Variants in XIRP2 observed in about 807,000 individuals in gnomAD.
XIRP2 encodes the protein xin actin-binding repeat-containing protein 2.
A neutral mutation model predicts 277.0 loss-of-function variants in XIRP2; 236 were observed. The observed-to-expected ratio is 0.85, with a 90% CI of 0.77 to 0.95. The LOEUF (loss-of-function observed/expected upper bound fraction) is 0.95. Among genes scored for constraint, XIRP2 ranks in the 40% least tolerant of loss-of-function variants. The pLI, the probability that XIRP2 is intolerant of heterozygous loss-of-function variation, is 0.00. For missense variants in XIRP2, 4,640 were observed against 4,157.5 expected (o/e 1.12, Z -3.19); for synonymous variants, 1,490 against 1,416.5 (o/e 1.05, Z -1.17).
chr2:167,120,440 C>T (rs1691024599), intron 2 of XIRP2, among the ~76,000 whole-genome samples: 1 of 152,136 alleles, frequency 6.6e-6, no homozygotes, highest in Non-Finnish European at 1.5e-5. Context: ...ACAATCCTAG[C>T]TTTGAATGAT....
At position 167,248,024 on chromosome 2, in the gene XIRP2, A is replaced by G. The variant is rs1264207670; in HGVS notation, c.6632A>G (p.Gln2211Arg). 1 of 1,613,510 alleles carries G rather than the reference A, an allele frequency of 6.2e-7. No individual in the cohort carries two copies. Residue 2211 changes from glutamine to arginine, a missense_variant, in exon 9 of 11, where the codon CAG becomes CGG. Gln to Arg is a conservative substitution (Grantham distance 43, BLOSUM62 1). Transcript: ENST00000409195. The part of the protein sequence containing the change: ...KKNINLQPMW[Q>R]LLPVEQDTSN... ...AATATAAACCTTCAACCAATGTGGC[A>G]GCTTTTGCCTGTAGAGCAAGACACA...
At chr2:167,064,439 C>A (rs1689251767) in intron 2 of XIRP2, among the ~76,000 whole-genome samples, 2 of 151,802 alleles carry the variant, frequency 1.3e-5, no homozygotes, top group African/African-American at 4.8e-5. Context: ...ATGATTTCTG[C>A]CTATCACATA....
chr2:167,027,056 T>G (rs1201494654), intron 2 of XIRP2, among the ~76,000 whole-genome samples: 5 of 152,198 alleles, frequency 3.3e-5, no homozygotes, highest in South Asian at 2.1e-4. Flanking sequence ...GGCCTGCCTT[T>G]ATAGATTGGG....
At chr2:167,048,885 T>A (rs1206272083) in intron 2 of XIRP2, among the ~76,000 whole-genome samples, 1 of 151,978 alleles carries the variant, frequency 6.6e-6, no homozygotes, top group Non-Finnish European at 1.5e-5. Flanking sequence ...TATCTTCTTT[T>A]TCCTAGAATC....
chr2:166,986,295 T>C (rs1687002724), intron 2 of XIRP2, among the ~76,000 whole-genome samples: 1 of 152,144 alleles, frequency 6.6e-6, no homozygotes, highest in Admixed American at 6.5e-5. Flanking sequence ...CAATATAGAG[T>C]GAGACTCATC....
intron 2 of XIRP2, among the ~76,000 whole-genome samples, chr2:166,912,833 T>C (rs4271782): frequency 0.31 from 47,351 of 152,008 alleles, 7,887 homozygotes; most frequent in East Asian, 0.59. Context: ...CAGTCAGGAC[T>C]CTCAGCTGCA....
chr2:167,085,595 A>C (rs1574239573), intron 2 of XIRP2, among the ~76,000 whole-genome samples: 2 of 152,082 alleles, frequency 1.3e-5, no homozygotes, highest in East Asian at 3.9e-4. Context: ...TTTGTAGGTC[A>C]CTCAGGACTT....
chr2:167,026,709 T>C (rs1483771767), intron 2 of XIRP2, among the ~76,000 whole-genome samples: 1 of 152,156 alleles, frequency 6.6e-6, no homozygotes, highest in African/African-American at 2.4e-5. Flanking sequence ...CTCCTTCACA[T>C]ATGAAGCTTA....
intron 2 of XIRP2, among the ~76,000 whole-genome samples, chr2:167,032,427 G>T (rs1301185084): frequency 6.6e-6 from 1 of 151,972 alleles, no homozygotes; most frequent in Non-Finnish European, 1.5e-5. Context: ...AGCAACTGCA[G>T]AAAAAGCCAA....
At chr2:167,207,745 G>A (rs1693900249) in intron 3 of XIRP2, among the ~76,000 whole-genome samples, 1 of 152,002 alleles carries the variant, frequency 6.6e-6, no homozygotes, top group African/African-American at 2.4e-5. Context: ...GCATAAGTTG[G>A]ATCTATCTAT....
intron 3 of XIRP2, among the ~76,000 whole-genome samples, chr2:167,159,893 G>GCAT (rs1692312241): frequency 1.3e-5 from 2 of 152,094 alleles, no homozygotes; most frequent in South Asian, 4.1e-4. Context: ...AAGGCTATGT[G>GCAT]CATTCAGGGA....
chr2:167,148,409 A>G (rs1270098616), intron 3 of XIRP2, among the ~76,000 whole-genome samples: 1 of 149,594 alleles, frequency 6.7e-6, no homozygotes, highest in Admixed American at 6.7e-5. Context: ...AAGAAAAAGA[A>G]AGAAAGAGAG....
At chr2:166,950,624 A>G (rs867272084) in intron 2 of XIRP2, among the ~76,000 whole-genome samples, 1 of 152,230 alleles carries the variant, frequency 6.6e-6, no homozygotes, top group Middle Eastern at 3.4e-3. Context: ...TTACACTACA[A>G]GCAATTTCTC....
intron 2 of XIRP2, among the ~76,000 whole-genome samples, chr2:167,066,235 C>T (rs1183040206): frequency 1.3e-5 from 2 of 151,842 alleles, no homozygotes; most frequent in Non-Finnish European, 2.9e-5. Context: ...CCTCATTTTT[C>T]CCTTCTCCTT....
intron 2 of XIRP2, among the ~76,000 whole-genome samples, chr2:167,058,158 G>C (rs1354704736): frequency 2.0e-5 from 3 of 151,684 alleles, no homozygotes; most frequent in Non-Finnish European, 2.9e-5. Context: ...CACCTCCCTG[G>C]CTCAAGTGAT....
At chr2:167,254,202 G>A in intron 10 of XIRP2, 37 bp downstream of exon 10, 1 of 1,592,990 alleles carries the variant, frequency 6.3e-7, no homozygotes, top group Non-Finnish European at 8.6e-7. Context: ...AAATATTCCA[G>A]GAGCTGCACT....
rs944260246 is a variant in XIRP2 at position 167,190,458 on chromosome 2, T to C, written c.563-20277T>C. ...TTCTCGGGAGACTCCAGGGTTTCTATGCCAGGGACTGGGGACTAAGACCAA... is the reference window on the plus strand; with the variant it reads ...TTCTCGGGAGACTCCAGGGTTTCTACGCCAGGGACTGGGGACTAAGACCAA... On this transcript the variant is annotated intron_variant, in intron 3 of 10. Transcript: ENST00000409195. 5.3e-5 allele frequency among the ~76,000 whole-genome samples: 8 copies of C among 152,180 alleles called. 1 individual carries two copies. The highest frequency in any genetic ancestry group is 1.9e-4 in the African/African-American group (8 of 41,450).
chr2:167,094,621 G>A (rs867124038), intron 2 of XIRP2, among the ~76,000 whole-genome samples: 10 of 152,070 alleles, frequency 6.6e-5, no homozygotes, highest in Admixed American at 1.3e-4. Context: ...AAGATCAGAC[G>A]GTTGTAGATA....
At chr2:166,944,741 C>T (rs891544969) in intron 2 of XIRP2, among the ~76,000 whole-genome samples, 10 of 151,934 alleles carry the variant, frequency 6.6e-5, no homozygotes, top group African/African-American at 2.4e-4. Context: ...TCACAAAATC[C>T]CTATGACCTA....
Sources: gnomAD v4.1 joint callset for allele counts (sites outside exome capture counted in the v4.1 genomes callset) on GRCh38, gnomAD v4.1.1 for gene constraint, MANE v1.5 for transcripts, NCBI Gene and HGNC (gene_info 2026-07-23, HGNC 2026-07-21) for gene names.